ZNF407: variants seen among roughly 807,000 people sequenced by gnomAD.
The protein encoded by ZNF407 is zinc finger protein 407.
Under a neutral mutation model 131.2 loss-of-function variants are expected in ZNF407, and 17 were observed. The observed-to-expected ratio is 0.13, with a 90% CI of 0.09 to 0.19. The LOEUF (loss-of-function observed/expected upper bound fraction) is 0.19. ZNF407 is among the 10% of genes least tolerant of loss of function. The probability of loss-of-function intolerance (pLI) is 1.00; values close to 1 mark genes in which losing one functional copy is unlikely to be tolerated. For synonymous variants in ZNF407, 1,156 were observed against 1,062.0 expected, an observed-to-expected ratio of 1.09 and a Z score of -1.72; for missense variants, 2,681 against 2,830.6, an observed-to-expected ratio of 0.95 and a Z score of 1.20.
At chr18:74,682,996 A>G (rs1432898275) in intron 3 of ZNF407, among the ~76,000 whole-genome samples, 2 of 152,192 alleles carry the variant, frequency 1.3e-5, no homozygotes, top group Admixed American at 1.3e-4. Flanking sequence ...GCTGGGCTCT[A>G]ACATTTGCTT....
At position 74,990,693 on chromosome 18, in the gene ZNF407, C is replaced by G. The variant is rs572080853; in HGVS notation, c.5428+70001C>G. On this transcript the variant is annotated intron_variant, in intron 8 of 8. Coordinates refer to ENST00000299687, the MANE Select transcript of ZNF407 (RefSeq NM_017757.3). ...TTTCATAAATGCCACATTAACTCTT[C>G]TTACAGAAGCAAAACAAAACCTCAC... 3.3e-5 allele frequency among the ~76,000 whole-genome samples: 5 copies of G among 152,304 alleles called. No individual in the cohort carries two copies. The South Asian group carries it at 1.0e-3, about 32-fold the overall frequency.
At chr18:74,781,675 A>G (rs912787353) in intron 4 of ZNF407, among the ~76,000 whole-genome samples, 173 bp downstream of exon 4, 3 of 152,148 alleles carry the variant, frequency 2.0e-5, no homozygotes, top group Non-Finnish European at 4.4e-5. Flanking sequence ...AAAATTTAAC[A>G]TATTTTAATT....
intron 3 of ZNF407, among the ~76,000 whole-genome samples, chr18:74,651,395 T>C (rs1331696626): frequency 6.6e-6 from 1 of 152,176 alleles, no homozygotes; most frequent in Admixed American, 6.6e-5. Flanking sequence ...TATTGTGTAC[T>C]TGTTAAAAGC....
chr18:74,653,588 G>C (rs1243476846), intron 3 of ZNF407, among the ~76,000 whole-genome samples: 1 of 151,700 alleles, frequency 6.6e-6, no homozygotes, highest in Non-Finnish European at 1.5e-5. Flanking sequence ...GCAATTAAAT[G>C]CTAAATATAT....
chr18:74,730,800 T>C (rs954977798), intron 3 of ZNF407, among the ~76,000 whole-genome samples: 8 of 152,290 alleles, frequency 5.3e-5, no homozygotes, highest in Middle Eastern at 3.4e-3. Flanking sequence ...AAAAAGCTTT[T>C]CCAATGTAGA....
chr18:74,633,454 A>G lies in ZNF407; in HGVS notation c.2435A>G (p.Glu812Gly). ...CAATTACAAGAGCATTCCTATCTTG[A>G]GAAGGGCATGCTGGCGTCTGAGGAA... ...GVQLQEHSYL[E>G]KGMLASEELS... Residue 812 changes from glutamate (E) to glycine (G), a missense_variant, in exon 2 of 9, where the codon GAG (glutamate) becomes GGG (glycine). Transcript: ENST00000299687. 6.2e-7 allele frequency: 1 copy of G among 1,614,002 alleles called. No individual in the cohort carries two copies. Among genetic ancestry groups the G allele is most frequent in the Non-Finnish European group, 8.5e-7 (1 of 1,179,876 alleles).
At chr18:74,683,426 TG>T (rs760225696) in intron 3 of ZNF407, among the ~76,000 whole-genome samples, 1 of 152,198 alleles carries the variant, frequency 6.6e-6, no homozygotes, top group Non-Finnish European at 1.5e-5. Flanking sequence ...TGCTGTGGGG[TG>T]GTTTGTGTTT....
rs547056346 is a variant in ZNF407, at chr18:75,012,339, T to C, written c.5429-50811T>C. 4.8e-3 allele frequency among the ~76,000 whole-genome samples: 471 copies of C among 98,918 alleles called. 18 individuals are homozygous for C. Among genetic ancestry groups the C allele is most frequent in the African/African-American group, 0.016 (436 of 27,568 alleles). The allele number at this position is 98,918 out of a possible 152,430, so 64.9% of individuals were successfully genotyped here. ...TATGTACACATAGTGTATGTACACA[T>C]AGTGTATGTACACATAGTGTATGTA... On this transcript the variant is annotated intron_variant, in intron 8 of 8. Coordinates refer to ENST00000299687, the MANE Select transcript of ZNF407 (RefSeq NM_017757.3).
At chr18:75,002,303 CT>C in intron 8 of ZNF407, among the ~76,000 whole-genome samples, 1 of 152,338 alleles carries the variant, frequency 6.6e-6, no homozygotes, top group African/African-American at 2.4e-5. Context: ...GGGTAATAGA[CT>C]TTCCTTTTTC....
chr18:75,062,934 A>C, intron 8 of ZNF407: 1 of 491,414 alleles, frequency 2.0e-6, no homozygotes, highest in Non-Finnish European at 3.6e-6. Context: ...CACACCCAGT[A>C]TTAACTGTGT....
intron 1 of ZNF407, among the ~76,000 whole-genome samples, chr18:74,622,704 GTTCT>G (rs759277223): frequency 1.9e-4 from 28 of 150,990 alleles, no homozygotes; most frequent in Non-Finnish European, 2.1e-4. Context: ...GAGAGGATGG[GTTCT>G]TTATGGCATC....
At chr18:75,058,665 C>T (rs1186519436) in intron 8 of ZNF407, among the ~76,000 whole-genome samples, 3 of 152,156 alleles carry the variant, frequency 2.0e-5, no homozygotes, top group Non-Finnish European at 4.4e-5. Flanking sequence ...GCAACCTGTA[C>T]CACGTGCCTG....
At chr18:74,702,871 T>G (rs1326961708) in intron 3 of ZNF407, among the ~76,000 whole-genome samples, 1 of 152,172 alleles carries the variant, frequency 6.6e-6, no homozygotes, top group East Asian at 1.9e-4. Context: ...TAAGACTATT[T>G]TAAATGCATG....
rs949241213 is a variant in ZNF407 at position 74,948,100 on chromosome 18, G to T, written c.5428+27408G>T. Reference sequence around the variant, plus strand: ...GCTGCTGATCACCATTTGAAAGAAGGTATCTTTGTCTCTTATAGAGGCTAC... The same window carrying T: ...GCTGCTGATCACCATTTGAAAGAAGTTATCTTTGTCTCTTATAGAGGCTAC... On this transcript the variant is annotated intron_variant, in intron 8 of 8. Transcript: ENST00000299687. 1.1e-4 allele frequency among the ~76,000 whole-genome samples: 17 copies of T among 152,308 alleles called. 1 individual carries two copies. The highest frequency in any genetic ancestry group is 4.1e-4 in the African/African-American group (17 of 41,564).
intron 8 of ZNF407, among the ~76,000 whole-genome samples, chr18:74,931,423 G>A (rs984941780): frequency 2.0e-5 from 3 of 151,978 alleles, no homozygotes; most frequent in Non-Finnish European, 4.4e-5. Flanking sequence ...CCCCAAAGAC[G>A]ATACACAAAT....
intron 5 of ZNF407, 77 bp from the exon 6 acceptor site, chr18:74,880,959 A>T (rs1971229001): frequency 2.4e-6 from 3 of 1,224,734 alleles, no homozygotes; most frequent in Non-Finnish European, 3.5e-6. Flanking sequence ...AGGAATTAGT[A>T]ACCCTGAAAG....
chr18:74,878,274 G>A (rs1288717219), intron 5 of ZNF407, among the ~76,000 whole-genome samples: 1 of 152,002 alleles, frequency 6.6e-6, no homozygotes, highest in Non-Finnish European at 1.5e-5. Flanking sequence ...CTCTCAGAAT[G>A]TATTTTGTTT....
At chr18:74,806,830 G>T (rs543006127) in intron 4 of ZNF407, among the ~76,000 whole-genome samples, 1 of 152,338 alleles carries the variant, frequency 6.6e-6, no homozygotes, top group African/African-American at 2.4e-5. Flanking sequence ...TGTCCCAGCA[G>T]AGTGCTTGAC....
intron 8 of ZNF407, among the ~76,000 whole-genome samples, chr18:75,020,071 C>A (rs988648088): frequency 2.6e-4 from 40 of 152,088 alleles, no homozygotes; most frequent in African/African-American, 8.7e-4. Flanking sequence ...TGTCACAGTG[C>A]TTGTGTTCAA....
Sources: allele counts gnomAD v4.1 joint callset (sites outside exome capture counted in the v4.1 genomes callset), GRCh38; gene constraint gnomAD v4.1.1; transcripts MANE v1.5; gene names NCBI Gene and HGNC (gene_info 2026-07-23, HGNC 2026-07-21).